NLRP7: variants seen among roughly 807,000 people sequenced by gnomAD.
NLRP7 encodes NACHT, LRR and PYD domains-containing protein 7.
NLRP7 carries 72 observed loss-of-function variants against 85.5 expected under a neutral mutation model. That is an observed-to-expected ratio of 0.84 (90% CI 0.70 to 1.02). The LOEUF (loss-of-function observed/expected upper bound fraction) is 1.02, where lower values mean the gene tolerates loss of function less well. Ranked by LOEUF, NLRP7 falls within the 50% of genes least tolerant of loss-of-function variation. NLRP7 has a pLI of 0.00. For missense variants in NLRP7, 1,243 were observed against 1,219.5 expected, an observed-to-expected ratio of 1.02 and a Z score of -0.29; for synonymous variants, 550 against 505.2, an observed-to-expected ratio of 1.09 and a Z score of -1.19.
chr19:54,964,077 C>T (rs527508024), intron 1 of NLRP7, among the ~76,000 whole-genome samples: 1 of 150,302 alleles, frequency 6.7e-6, no homozygotes, highest in East Asian at 2.0e-4. Flanking sequence ...GACGGGGTTT[C>T]ATCATCTTGG....
At chr19:54,955,134 C>T (rs1039041128) in intron 1 of NLRP7, among the ~76,000 whole-genome samples, 2 of 152,100 alleles carry the variant, frequency 1.3e-5, no homozygotes, top group Non-Finnish European at 2.9e-5. Context: ...TTGAGACCAG[C>T]CTGACCAACA....
chr19:54,923,548 A>T, exon 10 of NLRP7: 1 of 664,218 alleles, frequency 1.5e-6, no homozygotes, highest in Admixed American at 2.5e-5. Context: ...CCTGTGAGAA[A>T]GTACATAGCG....
rs1419652689 is a variant in NLRP7, at chr19:54,934,358, T to C, written c.2471+131A>G. ...CTGAGATTACAGGCAGGAGCCACCG[T>C]GCCGGGCCTGAAGCAGGTGTTTATT... is the stretch of plus-strand genomic sequence containing the variant. On this transcript the variant is annotated intron_variant, in intron 7 of 9. Coordinates refer to ENST00000340844, the Ensembl canonical transcript of NLRP7. The surrounding 1 kb of genome is among the most constrained non-coding windows in gnomAD (Gnocchi z 6.7). 9 of 910,852 alleles carry C rather than the reference T, an allele frequency of 9.9e-6. No homozygotes were observed. In the South Asian group the frequency reaches 1.0e-4, roughly 11 times the overall value. 56.4% of individuals were successfully genotyped at this position (910,852 alleles called of 1,614,324 possible).
Position 54,939,053 on chromosome 19 carries a change from G to GC in NLRP7, c.1765dup (p.Ala589GlyfsTer15). On this transcript the variant is annotated frameshift_variant, in exon 4 of 10. Coordinates refer to ENST00000340844, the Ensembl canonical transcript of NLRP7. LOFTEE classifies it high-confidence loss of function. ...GTGAATAGAAATTTCCTTGAACGGG[G>GC]CCACCACCACCTTCGCCAGCTCCTC... 4 of 1,614,168 alleles carry GC rather than the reference G, an allele frequency of 2.5e-6. No individual in the cohort carries two copies. The highest frequency in any genetic ancestry group is 3.4e-6 in the Non-Finnish European group (4 of 1,180,032).
chr19:54,929,627 C>T (rs910071725), intron 9 of NLRP7, among the ~76,000 whole-genome samples: 4 of 152,122 alleles, frequency 2.6e-5, no homozygotes, highest in Non-Finnish European at 4.4e-5. Flanking sequence ...GGCAGGCTCA[C>T]TGCTTCCTGA....
At chr19:54,938,720 CG>C (rs1401078219) in intron 4 of NLRP7, among the ~76,000 whole-genome samples, 167 bp downstream of exon 4, 1 of 152,154 alleles carries the variant, frequency 6.6e-6, no homozygotes, top group African/African-American at 2.4e-5. Flanking sequence ...AGCGAGACTC[CG>C]TCTCAAAAAT....
In NLRP7 at chr19:54,947,362, C is replaced by T. The variant is rs551376875; in HGVS notation, c.-40+107G>A. The T allele has an allele frequency of 3.3e-4, 266 of 815,506 alleles. 1 individual carries two copies. The highest frequency in any genetic ancestry group is 4.2e-4 in the Non-Finnish European group (238 of 560,778). 50.5% of individuals were successfully genotyped at this position (815,506 alleles called of 1,614,324 possible). ...AAATCAAAGATCCTTCCAGCATCCT[C>T]GCACCAACCATTAAGGCTTGGGAAG... On this transcript the variant is annotated intron_variant, in intron 1 of 9. Transcript: ENST00000340844.
intron 1 of NLRP7, chr19:54,953,048 A>G (rs1372845474): frequency 6.6e-6 from 1 of 152,060 alleles, no homozygotes; most frequent in Non-Finnish European, 1.5e-5. Flanking sequence ...AGGCAGGAGA[A>G]TCGCTTGAGC....
chr19:54,923,541 G>C, exon 10 of NLRP7: 1 of 648,814 alleles, frequency 1.5e-6, no homozygotes, highest in Non-Finnish European at 2.7e-6. Flanking sequence ...TATTATCCCT[G>C]TGAGAAAGTA....
In NLRP7 at chr19:54,933,755, A is replaced by G; in HGVS notation, c.2472-16T>C. ...GTTTTCCAACCTGCAAAAATATGAAACAAATGGTAGAAGGATGAGAACATT... is the reference window on the plus strand; with the variant it reads ...GTTTTCCAACCTGCAAAAATATGAAGCAAATGGTAGAAGGATGAGAACATT... On this transcript the variant is annotated splice_polypyrimidine_tract_variant and intron_variant, in intron 7 of 9. Transcript: ENST00000340844. The G allele has an allele frequency of 1.2e-6, 2 of 1,610,814 alleles. No individual in the cohort carries two copies.
rs147188319 is a variant in NLRP7, at chr19:54,963,366, A to G, written c.-77+2674T>C. Among the ~76,000 whole-genome samples the G allele has an allele frequency of 6.4e-4, 97 of 151,914 alleles. 1 individual carries two copies. Among genetic ancestry groups the G allele is most frequent in the Middle Eastern group, 3.4e-3 (1 of 290 alleles). Reference sequence around the variant, plus strand: ...TCAAAAAGAAAAAACGAAAAGAAATATAGATGTACATATACATATGTTGGT... The same window carrying G: ...TCAAAAAGAAAAAACGAAAAGAAATGTAGATGTACATATACATATGTTGGT... On this transcript the variant is annotated intron_variant, in intron 1 of 2. Coordinates refer to the NLRP7 transcript ENST00000587103.
intron 1 of NLRP7, among the ~76,000 whole-genome samples, chr19:54,955,968 AAAATAAAT>A (rs138037990): frequency 0.021 from 3,179 of 151,792 alleles, 47 homozygotes; most frequent in Non-Finnish European, 0.033. Flanking sequence ...CTGTGTCTCA[AAAATAAAT>A]AAATAAATAA....
chr19:54,964,273 G>A (rs1484359910), intron 1 of NLRP7, among the ~76,000 whole-genome samples: 1 of 134,256 alleles, frequency 7.4e-6, no homozygotes, highest in African/African-American at 2.8e-5. Flanking sequence ...CTGGAGTGCA[G>A]TGGCGCGATC....
At chr19:54,937,991 A>T in intron 5 of NLRP7, 53 bp downstream of exon 5, 2 of 1,387,408 alleles carry the variant, frequency 1.4e-6, no homozygotes, top group Non-Finnish European at 2.1e-6. Context: ...ACAAAAGTAC[A>T]AGAAGCTTAG....
intron 9 of NLRP7, among the ~76,000 whole-genome samples, chr19:54,926,166 A>G (rs2068427509): frequency 6.6e-6 from 1 of 151,924 alleles, no homozygotes; most frequent in South Asian, 2.1e-4. Flanking sequence ...GACCCAGGAC[A>G]GCTCTGGGAA....
chr19:54,934,803 G>A lies in NLRP7; in HGVS notation c.2301-144C>T, dbSNP rs2043309. On this transcript the variant is annotated intron_variant, in intron 6 of 9. Coordinates refer to ENST00000340844, the Ensembl canonical transcript of NLRP7. The surrounding 1 kb of genome is among the most constrained non-coding windows in gnomAD (Gnocchi z 6.7). Reference sequence around the variant, plus strand: ...CACCTCACTGCAGCCTCCGCCTCCCGGGTTCAAGCTATTCTCCTGCCTCAG... The same window carrying A: ...CACCTCACTGCAGCCTCCGCCTCCCAGGTTCAAGCTATTCTCCTGCCTCAG... 1.2e-5 allele frequency: 8 copies of A among 657,742 alleles called. No homozygotes were observed. The highest frequency in any genetic ancestry group is 3.0e-5 in the Admixed American group (1 of 33,818). 40.7% of individuals were successfully genotyped at this position (657,742 alleles called of 1,614,324 possible). A position where few individuals can be genotyped will look rare whatever the true frequency, so the allele number is the denominator to read the frequency against.
intron 9 of NLRP7, 112 bp from the exon 11 acceptor site, chr19:54,923,984 G>A (rs2068329120): frequency 8.5e-7 from 1 of 1,180,996 alleles, no homozygotes; most frequent in Non-Finnish European, 1.2e-6. Context: ...GGGATTTTCT[G>A]GGGGACAGGG....
At chr19:54,942,255 C>CAAAAAAAA (rs576434793) in intron 1 of NLRP7, among the ~76,000 whole-genome samples, 1 of 59,442 alleles carries the variant, frequency 1.7e-5, no homozygotes, top group Non-Finnish European at 3.1e-5. Context: ...GACTCCGTCT[C>CAAAAAAAA]AAAAAAAAAA....
exon 5 of NLRP7, chr19:54,938,149 C>T (rs758762309): frequency 6.2e-7 from 1 of 1,613,880 alleles, no homozygotes; most frequent in African/African-American, 1.3e-5. Context: ...CTTGAGGTTG[C>T]TGTTTGAGCT....
Sources: allele counts gnomAD v4.1 joint callset (sites outside exome capture counted in the v4.1 genomes callset), GRCh38; gene constraint gnomAD v4.1.1; non-coding constraint Gnocchi (gnomAD v3.1); transcripts MANE v1.5; gene names NCBI Gene and HGNC (gene_info 2026-07-23, HGNC 2026-07-21).